The following HOOK2 variants were observed in gnomAD, a reference collection of about 807,000 sequenced individuals.
The protein encoded by HOOK2 is protein Hook homolog 2.
A neutral mutation model predicts 111.9 loss-of-function variants in HOOK2; 108 were observed. That is an observed-to-expected ratio of 0.96 (90% confidence interval 0.83 to 1.13). The LOEUF is 1.13. Ranked by LOEUF, HOOK2 falls within the 50% of genes most tolerant of loss-of-function variation. The pLI, the probability that HOOK2 is intolerant of heterozygous loss-of-function variation, is 0.00. For synonymous variants in HOOK2, 405 were observed against 394.3 expected (o/e 1.03, Z -0.32); for missense variants, 978 against 951.3 (o/e 1.03, Z -0.37).
Position 12,772,203 on chromosome 19 carries a change from T to C in HOOK2, c.506A>G (p.Asn169Ser). 6.2e-7 allele frequency: 1 copy of C among 1,613,256 alleles called. No individual in the cohort carries two copies. Among genetic ancestry groups the C allele is most frequent in the Non-Finnish European group, 8.5e-7 (1 of 1,179,130 alleles). The change falls in exon 7 of 23, where the codon AAC (asparagine) becomes AGC (serine). Residue 169 changes from asparagine (N) to serine (S), a missense_variant. Around this residue, in one of 5 missense-constraint regions of HOOK2, gnomAD observed 301 missense variants for 286.1 expected, o/e 1.05. Coordinates refer to ENST00000397668, the MANE Select transcript of HOOK2 (RefSeq NM_013312.3). Reference sequence around the variant, plus strand: ...CAAATCTCTTACCTGGCTGTCAAAGTTGCCATACGTCTCTGGTGACAGGGA... The same window carrying C: ...CAAATCTCTTACCTGGCTGTCAAAGCTGCCATACGTCTCTGGTGACAGGGA... ...PDSLSPETYG[N>S]FDSQSRRYYF...
At position 12,790,154 on chromosome 19, in the gene HOOK2, TGGCTGGA is replaced by T. The variant is rs531853310; in HGVS notation, n.42-15936_42-15930del. ...ACCATTGCTTGAGGGGAGAGGATGGTGGCTGGAGGCTGCCGCGGCTGGGCGGGCTCCA... is the reference window on the plus strand; with the variant it reads ...ACCATTGCTTGAGGGGAGAGGATGGTGGCTGCCGCGGCTGGGCGGGCTCCA... On this transcript the variant is annotated intron_variant and non_coding_transcript_variant, in intron 3 of 3. Transcript: ENST00000589765. The surrounding 1 kb of genome is among the most constrained non-coding windows in gnomAD (Gnocchi z 7.2). Among the ~76,000 whole-genome samples, 193 of 152,144 alleles carry T rather than the reference TGGCTGGA, an allele frequency of 1.3e-3. 1 individual carries two copies. Among genetic ancestry groups the T allele is most frequent in the Middle Eastern group, 6.8e-3 (2 of 292 alleles).
intron 3 of HOOK2, among the ~76,000 whole-genome samples, chr19:12,789,653 C>T (rs1968686677): frequency 1.3e-5 from 2 of 151,668 alleles, no homozygotes; most frequent in Non-Finnish European, 2.9e-5. Flanking sequence ...GAGGCATCGG[C>T]CCGCCCTCTC....
rs916043537 is a variant in HOOK2, at chr19:12,790,078, C to G, written n.42-15853G>C. Among the ~76,000 whole-genome samples, 1 of 151,912 alleles carries G rather than the reference C, an allele frequency of 6.6e-6. No individual in the cohort carries two copies. The highest frequency in any genetic ancestry group is 1.5e-5 in the Non-Finnish European group (1 of 67,934). Reference sequence around the variant, plus strand: ...GTCCCCCGCCGTCGGGCCAATGGAACACTCCCCAAGCCGCCTGCCTCCGCG... The same window carrying G: ...GTCCCCCGCCGTCGGGCCAATGGAAGACTCCCCAAGCCGCCTGCCTCCGCG... On this transcript the variant is annotated intron_variant and non_coding_transcript_variant, in intron 3 of 3. Coordinates refer to the HOOK2 transcript ENST00000589765. The surrounding 1 kb of genome is among the most constrained non-coding windows in gnomAD (Gnocchi z 7.2).
chr19:12,764,997 A>C lies in HOOK2; in HGVS notation c.1723+2T>G. On this transcript the variant is annotated splice_donor_variant, in intron 19 of 22. Transcript: ENST00000397668. LOFTEE classifies it high-confidence loss of function. ...ACCCTCTGGTCACTAGGTCCTACTT[A>C]CTGCTGCTGTCAGTGGGTGGCTCCA... 1 of 1,614,008 alleles carries C rather than the reference A, an allele frequency of 6.2e-7. No homozygotes were observed. Among genetic ancestry groups the C allele is most frequent in the Middle Eastern group, 1.6e-4 (1 of 6,062 alleles).
rs942920987 is a variant in HOOK2, at chr19:12,764,849, C to A, written c.1792G>T (p.Glu598Ter). 1 of 1,614,054 alleles carries A rather than the reference C, an allele frequency of 6.2e-7. No individual in the cohort carries two copies. Among genetic ancestry groups the A allele is most frequent in the South Asian group, 1.1e-5 (1 of 91,082 alleles). The change falls in exon 20 of 23, where the codon GAG becomes TAG. Residue 598 changes from glutamate (E) to a stop codon, truncating the protein, a stop_gained. Transcript: ENST00000397668. LOFTEE classifies it high-confidence loss of function. ...KKDADLRAME[E>*]RYRRYVDKAR... is the part of the protein sequence containing the mutation. The stretch of plus-strand genomic sequence containing the variant: ...TTGTCCACGTAGCGGCGGTATCGCT[C>A]CTCCATGGCCCGCAAGTCCGCGTCC...
Position 12,763,279 on chromosome 19 carries a change from C to A in HOOK2, c.*3G>T. On this transcript the variant is annotated 3_prime_UTR_variant, in exon 23 of 23. Coordinates refer to ENST00000397668, the MANE Select transcript of HOOK2 (RefSeq NM_013312.3). ...GCCCAGGCTGGCTTGATTGTGAGGT[C>A]TGTCAGTGCTTGTCAGTGGGGCGAA... 1 of 1,612,110 alleles carries A rather than the reference C, an allele frequency of 6.2e-7. No homozygotes were observed. The highest frequency in any genetic ancestry group is 8.5e-7 in the Non-Finnish European group (1 of 1,179,034).
At chr19:12,783,207 G>A (rs1018970594), upstream of HOOK2, among the ~76,000 whole-genome samples, 1 of 152,104 alleles carries the variant, frequency 6.6e-6, no homozygotes, top group Non-Finnish European at 1.5e-5. Flanking sequence ...AGACAGTGGG[G>A]CCGAGAACCA....
At chr19:12,784,968 C>G (rs1214343915) in intron 3 of HOOK2, 1 of 152,442 alleles carries the variant, frequency 6.6e-6, no homozygotes, top group East Asian at 1.9e-4. Flanking sequence ...TACACACCAT[C>G]TCACCAGGAA....
chr19:12,780,512 AGG>A (rs1334567204), upstream of HOOK2, among the ~76,000 whole-genome samples: 1 of 150,828 alleles, frequency 6.6e-6, no homozygotes, highest in African/African-American at 2.4e-5. Flanking sequence ...GCCCGCCACC[AGG>A]TGTGGCTAAT....
At chr19:12,792,282 G>A (rs772728902) in intron 3 of HOOK2, 2 of 1,495,566 alleles carry the variant, frequency 1.3e-6, no homozygotes, top group South Asian at 1.3e-5. Context: ...TGGGCCCGGG[G>A]GCGTCTACGC....
chr19:12,767,676 T>C, intron 13 of HOOK2, 140 bp downstream of exon 13: 1 of 886,396 alleles, frequency 1.1e-6, no homozygotes. Flanking sequence ...CTCTCTTCAA[T>C]TTGACCGTGT....
upstream of HOOK2, among the ~76,000 whole-genome samples, chr19:12,779,362 C>T (rs1968573361): frequency 6.6e-6 from 1 of 152,166 alleles, no homozygotes; most frequent in Non-Finnish European, 1.5e-5. Flanking sequence ...TCTGCCACTC[C>T]CCTGGCTGAC....
At chr19:12,789,771 C>T (rs1203004333) in intron 3 of HOOK2, among the ~76,000 whole-genome samples, 2 of 151,426 alleles carry the variant, frequency 1.3e-5, no homozygotes, top group African/African-American at 4.8e-5. Context: ...AGCCCCAAAG[C>T]GGCGGGGTGG....
chr19:12,791,917 G>C lies in HOOK2; in HGVS notation n.42-17692C>G, dbSNP rs758936159. 22 of 1,613,172 alleles carry C rather than the reference G, an allele frequency of 1.4e-5. No individual in the cohort carries two copies. In the South Asian group the frequency reaches 2.4e-4, roughly 18 times the overall value. On this transcript the variant is annotated intron_variant and non_coding_transcript_variant, in intron 3 of 3. Transcript: ENST00000589765. This position sits in a 1 kb window ranked among gnomAD's most constrained non-coding sequence, Gnocchi z 7.0. ...GTCAACCTGGCCGACCCCTACCGGA[G>C]TCTCAAAGCGCCTGGGGCTCGCGGA...
At chr19:12,775,769 G>A, upstream of HOOK2, 1 of 309,570 alleles carries the variant, frequency 3.2e-6, no homozygotes, top group Admixed American at 5.1e-5. Context: ...TCCTCGCCCT[G>A]GCCCTTTTTG....
chr19:12,763,664 C>T lies in HOOK2; in HGVS notation c.1938+4G>A. On this transcript the variant is annotated splice_donor_region_variant and intron_variant, in intron 21 of 22. Coordinates refer to ENST00000397668, the MANE Select transcript of HOOK2 (RefSeq NM_013312.3). The stretch of plus-strand genomic sequence containing the variant: ...AGGCAGCGTAAAGGGACGAGGACAC[C>T]CACCTCCAGGTGTCGGATGCGGACA... The T allele has an allele frequency of 6.2e-7, 1 of 1,614,116 alleles. No individual in the cohort carries two copies. Among genetic ancestry groups the T allele is most frequent in the Non-Finnish European group, 8.5e-7 (1 of 1,179,946 alleles).
At chr19:12,779,922 G>C (rs1224690414), upstream of HOOK2, among the ~76,000 whole-genome samples, 1 of 152,192 alleles carries the variant, frequency 6.6e-6, no homozygotes, top group Non-Finnish European at 1.5e-5. Flanking sequence ...GGTCAAGGCA[G>C]ACAGATCACT....
chr19:12,767,400 C>A lies in HOOK2; in HGVS notation c.1368G>T (p.Glu456Asp). 6.2e-7 allele frequency: 1 copy of A among 1,613,832 alleles called. No homozygotes were observed. The highest frequency in any genetic ancestry group is 8.5e-7 in the Non-Finnish European group (1 of 1,179,740). ...TTTGAGTGACCCCAGGATACCTGAGCTCCGCAGGCAGGATCTCTGCGGCTA... is the reference window on the plus strand; with the variant it reads ...TTTGAGTGACCCCAGGATACCTGAGATCCGCAGGCAGGATCTCTGCGGCTA... ...DNLAAEILPA[E>D]LRETLLRLQL... The change falls in exon 14 of 23, where the codon GAG (glutamate) becomes GAT (aspartate). Residue 456 changes from glutamate to aspartate, a missense_variant. This residue lies in a region of HOOK2 where 388 missense variants were observed against 358.3 expected (regional missense o/e 1.08). Coordinates refer to ENST00000397668, the MANE Select transcript of HOOK2 (RefSeq NM_013312.3).
At chr19:12,769,029 G>C (rs1412660365) in intron 11 of HOOK2, among the ~76,000 whole-genome samples, 1 of 145,264 alleles carries the variant, frequency 6.9e-6, no homozygotes, top group Non-Finnish European at 1.5e-5. Context: ...GCAGTAGCAC[G>C]ATCTCGGCTC....
Sources: gnomAD v4.1 joint callset for allele counts (sites outside exome capture counted in the v4.1 genomes callset) on GRCh38, gnomAD v4.1.1 for gene constraint, gnomAD v4.1.1 regional missense constraint, Gnocchi (gnomAD v3.1) non-coding constraint, MANE v1.5 for transcripts, NCBI Gene and HGNC (gene_info 2026-07-23, HGNC 2026-07-21) for gene names.